Variants in ARHGEF4 observed in about 807,000 individuals in gnomAD.
ARHGEF4 encodes the protein Rho guanine nucleotide exchange factor 4, also known as APC-stimulated guanine nucleotide exchange factor 1.
A neutral mutation model predicts 162.0 loss-of-function variants in ARHGEF4; 119 were observed. The ratio of observed to expected loss-of-function variants is 0.73; its 90% confidence interval spans 0.63 to 0.86. ARHGEF4 has a LOEUF of 0.86. Ranked by LOEUF, ARHGEF4 falls within the 40% of genes least tolerant of loss-of-function variation. ARHGEF4 has a pLI of 0.00. For missense variants in ARHGEF4, 2,488 were observed against 2,456.0 expected, an observed-to-expected ratio of 1.01 and a Z score of -0.28; for synonymous variants, 1,014 against 979.9, an observed-to-expected ratio of 1.03 and a Z score of -0.65.
intron 2 of ARHGEF4, among the ~76,000 whole-genome samples, chr2:130,929,457 A>G (rs1682492445): frequency 6.6e-6 from 1 of 152,210 alleles, no homozygotes; most frequent in African/African-American, 2.4e-5. Context: ...CTATAATTAA[A>G]TCCTAATCTT....
At chr2:130,972,657 C>G (rs1685439343) in intron 4 of ARHGEF4, among the ~76,000 whole-genome samples, 2 of 152,174 alleles carry the variant, frequency 1.3e-5, no homozygotes, top group South Asian at 4.1e-4. Flanking sequence ...AGGCTAGTAG[C>G]TGAAACTTCA....
intron 1 of ARHGEF4, among the ~76,000 whole-genome samples, chr2:130,852,734 C>T (rs1040464941): frequency 6.6e-6 from 1 of 152,290 alleles, no homozygotes; most frequent in Non-Finnish European, 1.5e-5. Flanking sequence ...TGAGCCCCGT[C>T]GCCTCCTGCG....
Position 130,915,664 on chromosome 2 carries a change from T to G in ARHGEF4, c.1718T>G (p.Val573Gly). Residue 573 changes from valine (V) to glycine (G), a missense_variant, in exon 2 of 14, where the codon GTT becomes GGT. By Grantham distance (109) the Val-to-Gly change is moderately radical (BLOSUM62 -3). Transcript: ENST00000409359. ...DTSKAAEEAM[V>G]LDPNYREQAL... Reference sequence around the variant, plus strand: ...TCAAAGGCAGCCGAAGAAGCCATGGTTCTAGACCCCAACTACAGGGAACAG... The same window carrying G: ...TCAAAGGCAGCCGAAGAAGCCATGGGTCTAGACCCCAACTACAGGGAACAG... 1 of 1,549,844 alleles carries G rather than the reference T, an allele frequency of 6.5e-7. No individual in the cohort carries two copies. Among genetic ancestry groups the G allele is most frequent in the Non-Finnish European group, 8.7e-7 (1 of 1,146,888 alleles).
Position 130,916,567 on chromosome 2 carries a change from C to A in ARHGEF4, c.2621C>A (p.Ala874Glu). 1 of 1,550,248 alleles carries A rather than the reference C, an allele frequency of 6.5e-7. No homozygotes were observed. The change falls in exon 2 of 14, where the codon GCG becomes GAG. Residue 874 changes from alanine to glutamate, a missense_variant. Transcript: ENST00000409359. Reference protein sequence around the residue: ...AGDRTAGPAGAGHTGTSGDLG... With the variant: ...AGDRTAGPAGEGHTGTSGDLG... ...GACAGGACTGCAGGGCCGGCAGGAG[C>A]GGGGCACACGGGGACCTCAGGGGAT...
intron 4 of ARHGEF4, chr2:130,964,250 G>C: frequency 1.0e-6 from 1 of 985,746 alleles, no homozygotes; most frequent in Non-Finnish European, 1.2e-6. Flanking sequence ...GCCACCGCCG[G>C]TAAGGACGCC....
intron 1 of ARHGEF4, 54 bp downstream of exon 1, chr2:130,837,046 G>T (rs2104838503): frequency 1.6e-6 from 2 of 1,223,992 alleles, no homozygotes; most frequent in South Asian, 8.3e-5. Flanking sequence ...CTGCGCGGGT[G>T]GGGAGGAGCA....
rs758494829 is a variant in ARHGEF4, at chr2:131,040,252, CG to C, written c.4483-8del. On this transcript the variant is annotated splice_polypyrimidine_tract_variant and splice_region_variant and intron_variant, in intron 7 of 13. Transcript: ENST00000409359. ...CGGTCGGGGGAGGCCTAACCACGTC[CG>C]CCCGCAGGGCTACGTCCGGCAGTGC... 6.2e-7 allele frequency: 1 copy of C among 1,611,816 alleles called. No homozygotes were observed. The highest frequency in any genetic ancestry group is 1.1e-5 in the South Asian group (1 of 90,932).
chr2:130,978,623 A>G (rs1231546707), intron 4 of ARHGEF4, among the ~76,000 whole-genome samples: 1 of 152,250 alleles, frequency 6.6e-6, no homozygotes, highest in Non-Finnish European at 1.5e-5. Flanking sequence ...ACACATTGCC[A>G]TGAATGAAGA....
chr2:130,892,345 T>G (rs7575190), intron 1 of ARHGEF4, among the ~76,000 whole-genome samples: 4,071 of 152,242 alleles, frequency 0.027, 157 homozygotes, highest in African/African-American at 0.092. Flanking sequence ...TTTAACTCAT[T>G]TCTGACCCAA....
chr2:130,907,549 T>C (rs1465593494), intron 1 of ARHGEF4, among the ~76,000 whole-genome samples: 1 of 152,122 alleles, frequency 6.6e-6, no homozygotes, highest in Non-Finnish European at 1.5e-5. Flanking sequence ...AGTTGTATTA[T>C]TGTATGGATA....
intron 4 of ARHGEF4, among the ~76,000 whole-genome samples, chr2:130,955,626 ACT>A (rs1684221396): frequency 3.3e-5 from 5 of 151,730 alleles, no homozygotes; most frequent in Admixed American, 3.3e-4. Flanking sequence ...GTTAAGCTCC[ACT>A]CATTGGTTGC....
At chr2:130,967,128 G>T (rs72994198) in intron 4 of ARHGEF4, among the ~76,000 whole-genome samples, 1,976 of 152,278 alleles carry the variant, frequency 0.013, 36 homozygotes, top group African/African-American at 0.044. Flanking sequence ...CTCACAGGGC[G>T]CACAGCAGTA....
intron 4 of ARHGEF4, among the ~76,000 whole-genome samples, chr2:130,960,855 T>A (rs1684582771): frequency 6.6e-6 from 1 of 152,058 alleles, no homozygotes; most frequent in South Asian, 2.1e-4. Context: ...ACACTGGAGC[T>A]CAAATGGGGA....
At chr2:130,899,858 G>A (rs996927220) in intron 1 of ARHGEF4, among the ~76,000 whole-genome samples, 2 of 152,226 alleles carry the variant, frequency 1.3e-5, no homozygotes, top group Admixed American at 1.3e-4. Context: ...CTGGAGGACT[G>A]AGCAGTGGAG....
In ARHGEF4 at chr2:130,916,103, C is replaced by T. The variant is rs1401761830; in HGVS notation, c.2157C>T (p.Pro719=). The part of the protein sequence containing the change: ...QAAELGRVLV[P]QAASEETPST... ...CAGAGCTTGGGAGAGTGCTGGTCCC[C>T]CAAGCTGCTTCGGAAGAGACGCCGA... The change falls in exon 2 of 14, where the codon CCC becomes CCT. Residue 719 remains proline (P), a synonymous_variant. Transcript: ENST00000409359. The T allele has an allele frequency of 6.5e-7, 1 of 1,550,064 alleles. No homozygotes were observed. Among genetic ancestry groups the T allele is most frequent in the East Asian group, 2.4e-5 (1 of 40,892 alleles).
intron 4 of ARHGEF4, among the ~76,000 whole-genome samples, chr2:130,953,078 A>G (rs1425626337): frequency 3.3e-5 from 5 of 152,334 alleles, no homozygotes; most frequent in Non-Finnish European, 2.9e-5. Context: ...ATGGAATCAA[A>G]AAAAAAGCCC....
chr2:130,954,311 C>G (rs1026458002), intron 4 of ARHGEF4, among the ~76,000 whole-genome samples: 21 of 152,256 alleles, frequency 1.4e-4, no homozygotes, highest in African/African-American at 5.1e-4. Flanking sequence ...GAACAGAAAA[C>G]CAAACACTGC....
chr2:131,041,707 AG>A lies in ARHGEF4; in HGVS notation c.4896-105del, dbSNP rs1349387438. The stretch of plus-strand genomic sequence containing the variant: ...CATCTGATAGTGAGGATGTGGTCAA[AG>A]GGCACAGCCCCAGAGGAAAGCAGCT... On this transcript the variant is annotated intron_variant, in intron 9 of 13. Transcript: ENST00000409359. 3 of 1,465,668 alleles carry A rather than the reference AG, an allele frequency of 2.0e-6. No homozygotes were observed. The African/African-American group carries it at 4.2e-5, about 21-fold the overall frequency. The allele number at this position is 1,465,668 out of a possible 1,614,324, so 90.8% of individuals were successfully genotyped here. A position where few individuals can be genotyped will look rare whatever the true frequency, so the allele number is the denominator to read the frequency against.
intron 1 of ARHGEF4, among the ~76,000 whole-genome samples, chr2:130,894,849 G>A (rs947145593): frequency 1.2e-4 from 19 of 152,060 alleles, no homozygotes; most frequent in African/African-American, 4.4e-4. Context: ...TTGTTCAGGG[G>A]ACATGCCCTC....
Sources: gnomAD v4.1 joint callset for allele counts (sites outside exome capture counted in the v4.1 genomes callset) on GRCh38, gnomAD v4.1.1 for gene constraint, MANE v1.5 for transcripts, NCBI Gene and HGNC (gene_info 2026-07-23, HGNC 2026-07-21) for gene names.